The following FCRL5 variants were observed in gnomAD, a reference collection of about 807,000 sequenced individuals.
FCRL5 encodes the protein Fc receptor-like protein 5.
In FCRL5, 79 loss-of-function variants were observed where a neutral mutation model predicts 92.1. The ratio of observed to expected loss-of-function variants is 0.86; its 90% CI spans 0.72 to 1.03. The LOEUF (loss-of-function observed/expected upper bound fraction) is 1.03. Among genes scored for constraint, FCRL5 ranks in the 50% least tolerant of loss-of-function variants. The pLI, the probability that FCRL5 is intolerant of heterozygous loss-of-function variation, is 0.00. For synonymous variants in FCRL5, 466 were observed against 469.3 expected, an observed-to-expected ratio of 0.99 and a Z score of 0.09; for missense variants, 1,160 against 1,181.1, an observed-to-expected ratio of 0.98 and a Z score of 0.26.
intron 2 of FCRL5, 24 bp from the exon 3 acceptor site, chr1:157,547,221 T>A: frequency 6.2e-7 from 1 of 1,611,338 alleles, no homozygotes; most frequent in Non-Finnish European, 8.5e-7. Flanking sequence ...AGAAAAGGAG[T>A]CTGAGGTGGA....
At position 157,526,452 on chromosome 1, in the gene FCRL5, A is replaced by G. The variant is rs538696710; in HGVS notation, c.1960+1165T>C. Among the ~76,000 whole-genome samples the G allele has an allele frequency of 6.6e-5, 10 of 152,266 alleles. No homozygotes were observed. In the East Asian group the frequency reaches 1.9e-3, roughly 29 times the overall value. On this transcript the variant is annotated intron_variant, in intron 9 of 16. Transcript: ENST00000361835. ...GTATGGAGGTATAAGTGGGACCAAG[A>G]GAGGGTTTTCCTTGGATATGGGAGA...
intron 11 of FCRL5, 115 bp downstream of exon 11, chr1:157,520,902 G>C (rs2101596963): frequency 8.3e-7 from 1 of 1,210,664 alleles, no homozygotes; most frequent in East Asian, 2.4e-5. Flanking sequence ...AGAGCTGCCA[G>C]CTGTGTTACT....
At chr1:157,538,243 T>C (rs556731932) in intron 7 of FCRL5, among the ~76,000 whole-genome samples, 19 of 152,266 alleles carry the variant, frequency 1.2e-4, no homozygotes, top group Admixed American at 3.3e-4. Context: ...CACACATCCA[T>C]GTGGGAGGGA....
intron 15 of FCRL5, among the ~76,000 whole-genome samples, chr1:157,516,984 G>A (rs1558124669): frequency 6.6e-6 from 1 of 152,190 alleles, no homozygotes; most frequent in South Asian, 2.1e-4. Flanking sequence ...CCAAGAATGA[G>A]GCACAAACAC....
chr1:157,521,911 C>T (rs1650216080), intron 10 of FCRL5: 1 of 152,038 alleles, frequency 6.6e-6, no homozygotes, highest in Admixed American at 6.6e-5. Flanking sequence ...ATAAAATATG[C>T]CAATATATTT....
intron 2 of FCRL5, 136 bp from the exon 3 acceptor site, chr1:157,547,333 A>C (rs2101648572): frequency 1.1e-4 from 129 of 1,177,104 alleles, no homozygotes; most frequent in Non-Finnish European, 1.5e-4. Context: ...CTGATAGCTC[A>C]AAGCTCCCTG....
At chr1:157,536,567 A>G (rs1247452574) in intron 7 of FCRL5, among the ~76,000 whole-genome samples, 2 of 152,356 alleles carry the variant, frequency 1.3e-5, no homozygotes, top group East Asian at 3.9e-4. Flanking sequence ...TGGAGCCCAG[A>G]TTGCCCTGCA....
rs111267121 is a variant in FCRL5, at chr1:157,527,390, G to A, written c.1960+227C>T. ...CTCCTATGTTAGGGGAATTTTGGTC[G>A]TGATGGCTGGACTGCTGCTAGCAGG... is the stretch of plus-strand genomic sequence containing the variant. On this transcript the variant is annotated intron_variant, in intron 9 of 16. Transcript: ENST00000361835. Among the ~76,000 whole-genome samples the A allele has an allele frequency of 2.7e-3, 408 of 152,274 alleles. 2 individuals are homozygous for A. Among genetic ancestry groups the A allele is most frequent in the African/African-American group, 9.3e-3 (388 of 41,554 alleles).
At chr1:157,521,468 C>G in intron 10 of FCRL5, 176 bp from the exon 11 acceptor site, 1 of 661,200 alleles carries the variant, frequency 1.5e-6, no homozygotes, top group Non-Finnish European at 2.4e-6. Flanking sequence ...CAAAAATATC[C>G]AATAGAAAAC....
intron 6 of FCRL5, among the ~76,000 whole-genome samples, chr1:157,540,544 C>G (rs1651212504): frequency 6.6e-6 from 1 of 151,652 alleles, no homozygotes; most frequent in Non-Finnish European, 1.5e-5. Context: ...AAAAAACCAT[C>G]AGACAATAGA....
At chr1:157,518,296 A>G (rs573437746) in intron 15 of FCRL5, 133 bp downstream of exon 15, 2 of 719,990 alleles carry the variant, frequency 2.8e-6, no homozygotes, top group African/African-American at 1.8e-5. Flanking sequence ...ATAGGCACAC[A>G]TAAAGAAGCC....
In FCRL5 at chr1:157,514,691, T is replaced by C. The variant is rs1030362636; in HGVS notation, c.*984A>G. 1.3e-5 allele frequency: 2 copies of C among 152,264 alleles called. No homozygotes were observed. The highest frequency in any genetic ancestry group is 4.8e-5 in the African/African-American group (2 of 41,458). The allele number at this position is 152,264 out of a possible 1,614,324, so 9.4% of individuals were successfully genotyped here. A position where few individuals can be genotyped will look rare whatever the true frequency, so the allele number is the denominator to read the frequency against. ...GACCCACTGAATCAGTATCTGTATT[T>C]TCACAGGATCCTCAGGTGATCCACA... On this transcript the variant is annotated 3_prime_UTR_variant, in exon 17 of 17. Transcript: ENST00000361835.
chr1:157,548,662 C>T (rs577677178), intron 2 of FCRL5, among the ~76,000 whole-genome samples: 1 of 152,332 alleles, frequency 6.6e-6, no homozygotes, highest in East Asian at 1.9e-4. Flanking sequence ...GACATTTATG[C>T]AGCCAAAAGA....
chr1:157,540,928 C>T (rs1390485554), intron 6 of FCRL5, among the ~76,000 whole-genome samples: 1 of 152,136 alleles, frequency 6.6e-6, no homozygotes, highest in African/African-American at 2.4e-5. Flanking sequence ...TATTGTTGCC[C>T]CTCTTTCACA....
intron 15 of FCRL5, among the ~76,000 whole-genome samples, chr1:157,517,704 G>T (rs1328558664): frequency 1.3e-5 from 2 of 152,142 alleles, no homozygotes; most frequent in African/African-American, 4.8e-5. Flanking sequence ...GCTGTAAGAT[G>T]ATAAATTTGT....
At chr1:157,536,530 G>A (rs146623816) in intron 7 of FCRL5, among the ~76,000 whole-genome samples, 1,569 of 152,326 alleles carry the variant, frequency 0.01, 18 homozygotes, top group Non-Finnish European at 0.014. Flanking sequence ...CTGCTGGAGT[G>A]GTTTTCCCCA....
chr1:157,524,079 A>T lies in FCRL5; in HGVS notation c.2239+200T>A, dbSNP rs940962364. 1.3e-5 allele frequency: 7 copies of T among 549,998 alleles called. No homozygotes were observed. The South Asian group carries it at 2.3e-4, about 18-fold the overall frequency. 34.1% of individuals were successfully genotyped at this position (549,998 alleles called of 1,614,324 possible). A position where few individuals can be genotyped will look rare whatever the true frequency, so the allele number is the denominator to read the frequency against. On this transcript the variant is annotated intron_variant, in intron 10 of 16. Coordinates refer to ENST00000361835, the MANE Select transcript of FCRL5 (RefSeq NM_031281.3). ...AGGTGCTTTGATCATCTTCAAGAAG[A>T]CTGCTGGGAAACATCAGATTCCTGG...
chr1:157,536,720 T>TC (rs1229240721), intron 7 of FCRL5, among the ~76,000 whole-genome samples: 1 of 152,214 alleles, frequency 6.6e-6, no homozygotes, highest in African/African-American at 2.4e-5. Context: ...GAAAGTGTCC[T>TC]CCCTCCCTCA....
rs550645201 is a variant in FCRL5 at position 157,537,980 on chromosome 1, T to G, written c.1402+1106A>C. 3.3e-4 allele frequency among the ~76,000 whole-genome samples: 51 copies of G among 152,322 alleles called. 1 individual carries two copies. Among genetic ancestry groups the G allele is most frequent in the Non-Finnish European group, 6.8e-4 (46 of 68,030 alleles). ...ATTTGCTATTAGCCCCTGTGAACTGTGTGGGCAGGGCCAGGTTAGTGTAGT... is the reference window on the plus strand; with the variant it reads ...ATTTGCTATTAGCCCCTGTGAACTGGGTGGGCAGGGCCAGGTTAGTGTAGT... On this transcript the variant is annotated intron_variant, in intron 7 of 16. Transcript: ENST00000361835.
Sources: allele counts gnomAD v4.1 joint callset (sites outside exome capture counted in the v4.1 genomes callset), GRCh38; gene constraint gnomAD v4.1.1; transcripts MANE v1.5; gene names NCBI Gene and HGNC (gene_info 2026-07-23, HGNC 2026-07-21).